EFCAB6: variants seen among roughly 807,000 people sequenced by gnomAD.
EFCAB6 encodes the protein EF-hand calcium-binding domain-containing protein 6.
In EFCAB6, 156 loss-of-function variants were observed where a neutral mutation model predicts 169.8. The ratio of observed to expected loss-of-function variants is 0.92; its 90% confidence interval spans 0.81 to 1.05. The LOEUF is 1.05. Among genes scored for constraint, EFCAB6 ranks in the 50% least tolerant of loss-of-function variants. The probability of loss-of-function intolerance (pLI) is 0.00; values close to 1 mark genes in which losing one functional copy is unlikely to be tolerated. For synonymous variants in EFCAB6, 698 were observed against 676.4 expected (o/e 1.03, Z -0.50); for missense variants, 1,800 against 1,829.1 (o/e 0.98, Z 0.29).
intron 7 of EFCAB6, 127 bp downstream of exon 7, chr22:43,735,730 A>G: frequency 8.7e-7 from 1 of 1,147,774 alleles, no homozygotes; most frequent in Non-Finnish European, 1.2e-6. Context: ...CTCTTTGAGA[A>G]ATAAGGTGTG....
chr22:43,540,025 C>T, intron 28 of EFCAB6, 102 bp downstream of exon 28: 1 of 1,308,166 alleles, frequency 7.6e-7, no homozygotes, highest in South Asian at 1.4e-5. Flanking sequence ...TCTTCTCAGC[C>T]ACTCAACCCT....
chr22:43,699,956 G>A (rs971351988), intron 10 of EFCAB6, among the ~76,000 whole-genome samples: 4 of 152,168 alleles, frequency 2.6e-5, no homozygotes, highest in African/African-American at 4.8e-5. Flanking sequence ...GATCTCCGGC[G>A]AATACGCAAG....
rs75344542 is a variant in EFCAB6 at position 43,773,179 on chromosome 22, C to T, written c.140-76G>A. On this transcript the variant is annotated intron_variant, in intron 3 of 31. Coordinates refer to ENST00000262726, the MANE Select transcript of EFCAB6 (RefSeq NM_022785.4). ...AAACAGAAACTCTTGCACTGTTGAA[C>T]GGAACCAAGAAAACTTATTAGATGG... 3.5e-4 allele frequency: 505 copies of T among 1,447,306 alleles called. 1 individual carries two copies. In the African/African-American group the frequency reaches 6.6e-3, roughly 19 times the overall value. 89.7% of individuals were successfully genotyped at this position (1,447,306 alleles called of 1,614,324 possible).
At chr22:43,728,271 C>G (rs2059809988) in intron 8 of EFCAB6, among the ~76,000 whole-genome samples, 1 of 152,098 alleles carries the variant, frequency 6.6e-6, no homozygotes, top group Non-Finnish European at 1.5e-5. Flanking sequence ...CATAGTACTC[C>G]TGGTGTATAT....
chr22:43,744,297 G>A lies in EFCAB6; in HGVS notation c.508-8304C>T, dbSNP rs2060485488. On this transcript the variant is annotated intron_variant, in intron 6 of 31. Coordinates refer to ENST00000262726, the MANE Select transcript of EFCAB6 (RefSeq NM_022785.4). The surrounding 1 kb of genome is among the most constrained non-coding windows in gnomAD (Gnocchi z 4.3). The stretch of plus-strand genomic sequence containing the variant: ...GGGTGGGTAGGTGGGGAGATTGCAA[G>A]CCAAGACAATCCTTGTAGAGACAGG... Among the ~76,000 whole-genome samples, 1 of 152,104 alleles carries A rather than the reference G, an allele frequency of 6.6e-6. No individual in the cohort carries two copies. Among genetic ancestry groups the A allele is most frequent in the African/African-American group, 2.4e-5 (1 of 41,412 alleles).
intron 23 of EFCAB6, among the ~76,000 whole-genome samples, chr22:43,596,053 T>C (rs2051977199): frequency 6.6e-6 from 1 of 152,102 alleles, no homozygotes; most frequent in Admixed American, 6.6e-5. Flanking sequence ...ACGTCCTTTC[T>C]TGATAAAAAC....
At chr22:43,579,866 T>C (rs1328964045) in intron 25 of EFCAB6, among the ~76,000 whole-genome samples, 1 of 106,586 alleles carries the variant, frequency 9.4e-6, no homozygotes, top group Non-Finnish European at 1.9e-5. Context: ...TTCCCTACAC[T>C]CAGGCATCAT....
At chr22:43,683,351 T>C (rs1211122292) in intron 12 of EFCAB6, among the ~76,000 whole-genome samples, 2 of 152,156 alleles carry the variant, frequency 1.3e-5, no homozygotes, top group African/African-American at 2.4e-5. Flanking sequence ...AAAATGCCCC[T>C]GTTTTGGGCA....
chr22:43,591,824 G>T (rs1207330374), intron 23 of EFCAB6, among the ~76,000 whole-genome samples: 1 of 152,076 alleles, frequency 6.6e-6, no homozygotes. Context: ...AAAAAATTAC[G>T]GTTAAGGAAC....
chr22:43,746,584 G>A (rs2060570886), intron 6 of EFCAB6, among the ~76,000 whole-genome samples: 1 of 152,132 alleles, frequency 6.6e-6, no homozygotes, highest in Admixed American at 6.5e-5. Flanking sequence ...ATACAGCTAT[G>A]AAAAGGTGCC....
chr22:43,617,550 T>C (rs987971070), intron 20 of EFCAB6, among the ~76,000 whole-genome samples: 2 of 152,244 alleles, frequency 1.3e-5, no homozygotes, highest in South Asian at 2.1e-4. Context: ...TCATTTTACA[T>C]ACTTGGCCCT....
chr22:43,578,370 G>A (rs2050399021), intron 25 of EFCAB6, among the ~76,000 whole-genome samples: 1 of 152,236 alleles, frequency 6.6e-6, no homozygotes, highest in Non-Finnish European at 1.5e-5. Flanking sequence ...GATGTTCACT[G>A]TGGGGATTGA....
chr22:43,536,578 A>C (rs950989977), intron 29 of EFCAB6: 1 of 152,218 alleles, frequency 6.6e-6, no homozygotes, highest in African/African-American at 2.4e-5. Context: ...GTGTTGGGTC[A>C]CACCTGATCC....
intron 10 of EFCAB6, among the ~76,000 whole-genome samples, chr22:43,710,157 T>C (rs537933806): frequency 3.9e-5 from 6 of 152,342 alleles, no homozygotes; most frequent in Admixed American, 1.3e-4. Flanking sequence ...CTAACCTAGA[T>C]TGTGGTCTAC....
intron 26 of EFCAB6, among the ~76,000 whole-genome samples, chr22:43,565,667 G>A (rs1030683676): frequency 1.3e-5 from 2 of 151,974 alleles, no homozygotes; most frequent in Non-Finnish European, 2.9e-5. Context: ...TTTATAATTA[G>A]CTCATCTGAC....
chr22:43,675,378 ATAT>A (rs2057696443), intron 13 of EFCAB6, among the ~76,000 whole-genome samples: 1 of 130,540 alleles, frequency 7.7e-6, no homozygotes, highest in Non-Finnish European at 1.6e-5. Context: ...ATAATATACT[ATAT>A]TATACTATAA....
intron 22 of EFCAB6, among the ~76,000 whole-genome samples, chr22:43,602,062 T>C (rs2052562097): frequency 6.6e-6 from 1 of 152,204 alleles, no homozygotes; most frequent in Non-Finnish European, 1.5e-5. Flanking sequence ...AAATACCAGT[T>C]TGCCGGCTCT....
intron 26 of EFCAB6, among the ~76,000 whole-genome samples, chr22:43,557,235 G>T (rs1199279266): frequency 1.3e-5 from 2 of 152,082 alleles, no homozygotes; most frequent in Non-Finnish European, 2.9e-5. Flanking sequence ...GAGGAATAAG[G>T]GCTCCCCTGA....
chr22:43,737,272 T>C (rs1373100040), intron 6 of EFCAB6, among the ~76,000 whole-genome samples: 2 of 151,986 alleles, frequency 1.3e-5, no homozygotes, highest in African/African-American at 2.4e-5. Flanking sequence ...CCATACATCA[T>C]CACTGTCACA....
Sources: allele counts gnomAD v4.1 joint callset (sites outside exome capture counted in the v4.1 genomes callset), GRCh38; gene constraint gnomAD v4.1.1; non-coding constraint Gnocchi (gnomAD v3.1); transcripts MANE v1.5; gene names NCBI Gene and HGNC (gene_info 2026-07-23, HGNC 2026-07-21).